DLG2: variants seen among roughly 807,000 people sequenced by gnomAD.
DLG2 encodes the protein disks large homolog 2.
Under a neutral mutation model 132.5 loss-of-function variants are expected in DLG2, and 45 were observed. That is an observed-to-expected ratio of 0.34 (90% CI 0.27 to 0.44). The LOEUF is 0.44. DLG2 is among the 20% of genes least tolerant of loss of function. The pLI is 1.00. For synonymous variants in DLG2, 424 were observed against 419.6 expected (o/e 1.01, Z -0.13); for missense variants, 1,045 against 1,196.9 (o/e 0.87, Z 1.87).
At chr11:84,804,440 G>C (rs2075770214) in intron 6 of DLG2, among the ~76,000 whole-genome samples, 1 of 152,294 alleles carries the variant, frequency 6.6e-6, no homozygotes, top group South Asian at 2.1e-4. Context: ...TTCCTACTAT[G>C]TACAAATAAA....
intron 8 of DLG2, among the ~76,000 whole-genome samples, chr11:84,221,239 G>A (rs1161800581): frequency 6.6e-6 from 1 of 152,096 alleles, no homozygotes; most frequent in Non-Finnish European, 1.5e-5. Context: ...GCCAAGGTGG[G>A]TGGATCATGA....
intron 4 of DLG2, among the ~76,000 whole-genome samples, chr11:85,183,493 A>C (rs1465012664): frequency 6.6e-6 from 1 of 151,958 alleles, no homozygotes; most frequent in African/African-American, 2.4e-5. Flanking sequence ...CCAAGGTCCC[A>C]AAACAGCCAA....
At chr11:84,434,887 T>C (rs1320336431) in intron 7 of DLG2, among the ~76,000 whole-genome samples, 6 of 140,530 alleles carry the variant, frequency 4.3e-5, no homozygotes, top group African/African-American at 1.7e-4. Flanking sequence ...GTTGTTTTAT[T>C]AGAGTGTGAA....
intron 6 of DLG2, among the ~76,000 whole-genome samples, chr11:84,652,401 C>T (rs142787511): frequency 2.6e-4 from 39 of 152,244 alleles, no homozygotes; most frequent in East Asian, 5.8e-4. Flanking sequence ...TTTAGGGTAA[C>T]GCACACCCTT....
At chr11:84,815,927 T>C (rs748628526) in intron 6 of DLG2, among the ~76,000 whole-genome samples, 6 of 152,054 alleles carry the variant, frequency 3.9e-5, no homozygotes, top group Non-Finnish European at 7.4e-5. Flanking sequence ...GGCTCCAATG[T>C]AGCAATTGCC....
At position 83,752,029 on chromosome 11, in the gene DLG2, G is replaced by C. The variant is rs772749884; in HGVS notation, c.1825+34661C>G. Among the ~76,000 whole-genome samples, 6 of 152,236 alleles carry C rather than the reference G, an allele frequency of 3.9e-5. No homozygotes were observed. The South Asian group carries it at 6.2e-4, about 16-fold the overall frequency. ...CACGCCTGTAATCCCAGCACTTCGGGAGGCCGAGGCAGGTGGATCACGAGG... is the reference window on the plus strand; with the variant it reads ...CACGCCTGTAATCCCAGCACTTCGGCAGGCCGAGGCAGGTGGATCACGAGG... On this transcript the variant is annotated intron_variant, in intron 18 of 27. Coordinates refer to ENST00000376104, the MANE Select transcript of DLG2 (RefSeq NM_001142699.3).
rs982829164 is a variant in DLG2, at chr11:84,594,446, T to C, written c.358-59715A>G. Among the ~76,000 whole-genome samples, 5 of 152,044 alleles carry C rather than the reference T, an allele frequency of 3.3e-5. No homozygotes were observed. In the South Asian group the frequency reaches 1.0e-3, roughly 32 times the overall value. On this transcript the variant is annotated intron_variant, in intron 6 of 27. Transcript: ENST00000376104. ...GCCAACAAAAGCCTCACCCAAAAAA[T>C]GAAACTTAAATTGGTTTTTCAAAAG...
At chr11:83,538,624 C>A (rs2095963578) in intron 20 of DLG2, among the ~76,000 whole-genome samples, 1 of 152,180 alleles carries the variant, frequency 6.6e-6, no homozygotes, top group Non-Finnish European at 1.5e-5. Flanking sequence ...CTCTGATCCT[C>A]AGTTTCCTTA....
intron 4 of DLG2, among the ~76,000 whole-genome samples, chr11:85,205,218 TTC>T (rs1239226529): frequency 6.7e-6 from 1 of 149,536 alleles, no homozygotes; most frequent in Non-Finnish European, 1.5e-5. Flanking sequence ...AGAAATAAAA[TTC>T]TGTCATTTGC....
intron 6 of DLG2, among the ~76,000 whole-genome samples, chr11:84,790,568 G>T (rs2073675155): frequency 6.6e-6 from 1 of 152,120 alleles, no homozygotes; most frequent in South Asian, 2.1e-4. Flanking sequence ...TTCCTTTGCT[G>T]TTGAGAAGCT....
intron 10 of DLG2, among the ~76,000 whole-genome samples, chr11:84,081,392 C>A (rs1396516859): frequency 6.7e-6 from 1 of 150,326 alleles, no homozygotes; most frequent in Non-Finnish European, 1.5e-5. Context: ...TTAATTCAAT[C>A]AGACAAATGT....
At chr11:84,566,455 G>A (rs963637496) in intron 6 of DLG2, among the ~76,000 whole-genome samples, 3 of 152,160 alleles carry the variant, frequency 2.0e-5, no homozygotes, top group Admixed American at 1.3e-4. Flanking sequence ...ATAATGCCCA[G>A]TGAATACAAA....
intron 19 of DLG2, 41 bp downstream of exon 19, chr11:83,633,170 T>G (rs763129968): frequency 4.4e-6 from 7 of 1,581,792 alleles, no homozygotes; most frequent in African/African-American, 4.0e-5. Flanking sequence ...TCAAGTTGAA[T>G]TGCTCACAAA....
chr11:84,534,842 T>G (rs368435768), intron 6 of DLG2, 111 bp from the exon 7 acceptor site: 51 of 1,254,240 alleles, frequency 4.1e-5, no homozygotes, highest in Middle Eastern at 3.7e-4. Flanking sequence ...GCACCTACTG[T>G]TGACTTCACC....
Position 83,631,197 on chromosome 11 carries a change from T to C in DLG2, c.1940+2014A>G, listed in dbSNP as rs552880355. 2.7e-5 allele frequency: 4 copies of C among 150,308 alleles called. No individual in the cohort carries two copies. The East Asian group carries it at 7.8e-4, about 29-fold the overall frequency. The allele number at this position is 150,308 out of a possible 1,614,324, so 9.3% of individuals were successfully genotyped here. The stretch of plus-strand genomic sequence containing the variant: ...TTTTTTTTTTTTTTTTGGTCTGTTT[T>C]ATCACTTTTCATGAGAATAAGGCCA... On this transcript the variant is annotated intron_variant, in intron 19 of 27. Transcript: ENST00000376104.
intron 6 of DLG2, among the ~76,000 whole-genome samples, chr11:84,731,513 G>A (rs2063150625): frequency 6.6e-6 from 1 of 151,830 alleles, no homozygotes; most frequent in Non-Finnish European, 1.5e-5. Flanking sequence ...AAAAATAAGT[G>A]GGAATTAACT....
At chr11:85,596,347 C>T (rs1019107558) in intron 3 of DLG2, among the ~76,000 whole-genome samples, 4 of 152,112 alleles carry the variant, frequency 2.6e-5, no homozygotes, top group African/African-American at 7.2e-5. Context: ...CAGATTGTGC[C>T]ACTGCACTCC....
chr11:85,160,953 C>A (rs2077982365), intron 4 of DLG2, among the ~76,000 whole-genome samples: 1 of 152,174 alleles, frequency 6.6e-6, no homozygotes, highest in African/African-American at 2.4e-5. Flanking sequence ...GTACCTCGTT[C>A]CACACTTTGC....
intron 11 of DLG2, among the ~76,000 whole-genome samples, chr11:84,027,611 A>G (rs1260942375): frequency 6.6e-6 from 1 of 152,106 alleles, no homozygotes; most frequent in African/African-American, 2.4e-5. Flanking sequence ...ACTTACAAAA[A>G]GTAAGTAATG....
Sources: allele counts gnomAD v4.1 joint callset (sites outside exome capture counted in the v4.1 genomes callset), GRCh38; gene constraint gnomAD v4.1.1; transcripts MANE v1.5; gene names NCBI Gene and HGNC (gene_info 2026-07-23, HGNC 2026-07-21).